The following LDLRAD3 variants were observed in gnomAD, a reference collection of about 807,000 sequenced individuals.
The protein encoded by LDLRAD3 is low density lipoprotein receptor class A domain containing 3.
In LDLRAD3, 20 loss-of-function variants were observed where a neutral mutation model predicts 29.4. The observed-to-expected ratio is 0.68, with a 90% CI of 0.48 to 0.99. LDLRAD3 has a LOEUF of 0.99. Ranked by LOEUF, LDLRAD3 falls within the 50% of genes least tolerant of loss-of-function variation. The pLI is 0.00. For synonymous variants in LDLRAD3, 157 were observed against 192.7 expected, an observed-to-expected ratio of 0.81 and a Z score of 1.53; for missense variants, 420 against 454.3, an observed-to-expected ratio of 0.92 and a Z score of 0.69.
chr11:36,000,340 TACAC>T (rs537756209), intron 1 of LDLRAD3, among the ~76,000 whole-genome samples: 5 of 151,048 alleles, frequency 3.3e-5, no homozygotes, highest in Admixed American at 1.3e-4. Flanking sequence ...TGTACACACA[TACAC>T]ACACAGTTGA....
At chr11:35,985,651 G>A (rs1851605274) in intron 1 of LDLRAD3, among the ~76,000 whole-genome samples, 1 of 152,110 alleles carries the variant, frequency 6.6e-6, no homozygotes, top group Non-Finnish European at 1.5e-5. Context: ...AATCACGGGG[G>A]CAGGTTTTTC....
chr11:36,108,152 T>G (rs1313686955), intron 4 of LDLRAD3, among the ~76,000 whole-genome samples: 1 of 151,568 alleles, frequency 6.6e-6, no homozygotes, highest in Non-Finnish European at 1.5e-5. Context: ...CCGTCTCTAC[T>G]AAAAATACAA....
At chr11:35,987,771 ATAT>A (rs1254795253) in intron 1 of LDLRAD3, among the ~76,000 whole-genome samples, 11 of 152,272 alleles carry the variant, frequency 7.2e-5, no homozygotes, top group African/African-American at 1.9e-4. Context: ...TCTTTTATAT[ATAT>A]ACCTGGTAAT....
At chr11:35,950,082 C>G (rs1851111985) in intron 1 of LDLRAD3, among the ~76,000 whole-genome samples, 1 of 152,226 alleles carries the variant, frequency 6.6e-6, no homozygotes, top group South Asian at 2.1e-4. Context: ...CCATGTAAAA[C>G]TTGTTCTTTG....
chr11:36,152,636 T>C (rs1195141772), intron 4 of LDLRAD3, among the ~76,000 whole-genome samples: 3 of 152,228 alleles, frequency 2.0e-5, no homozygotes, highest in Admixed American at 1.3e-4. Context: ...CTTTGTCTGC[T>C]TCCAACTCCC....
intron 4 of LDLRAD3, among the ~76,000 whole-genome samples, chr11:36,128,852 GAAAA>G: frequency 7.2e-6 from 1 of 139,594 alleles, no homozygotes; most frequent in Non-Finnish European, 1.5e-5. Flanking sequence ...GTGTCTCAAG[GAAAA>G]AAAAAAAAAA....
intron 5 of LDLRAD3, among the ~76,000 whole-genome samples, chr11:36,228,954 C>T (rs1855535794): frequency 6.6e-6 from 1 of 152,216 alleles, no homozygotes; most frequent in African/African-American, 2.4e-5. Flanking sequence ...CGGTCAACAC[C>T]AACCAGCCAG....
At chr11:36,070,620 A>G (rs1484380740) in intron 2 of LDLRAD3, among the ~76,000 whole-genome samples, 2 of 152,206 alleles carry the variant, frequency 1.3e-5, no homozygotes, top group Non-Finnish European at 2.9e-5. Context: ...CTCTGTGGGT[A>G]TAAGAAGGTG....
chr11:35,992,612 A>G (rs949098363), intron 1 of LDLRAD3, among the ~76,000 whole-genome samples: 3 of 152,244 alleles, frequency 2.0e-5, no homozygotes, highest in African/African-American at 7.2e-5. Flanking sequence ...CACATATTGT[A>G]TCATTCAATT....
chr11:36,147,284 A>AT (rs542910531), intron 4 of LDLRAD3, among the ~76,000 whole-genome samples: 1 of 147,772 alleles, frequency 6.8e-6, no homozygotes, highest in African/African-American at 2.5e-5. Flanking sequence ...CACCCAGCTA[A>AT]TTTTTTTGTA....
At chr11:35,999,072 C>T (rs1239655335) in intron 1 of LDLRAD3, among the ~76,000 whole-genome samples, 1 of 152,188 alleles carries the variant, frequency 6.6e-6, no homozygotes, top group African/African-American at 2.4e-5. Context: ...TTTTAAGGAG[C>T]TCACAGCTTT....
chr11:36,193,175 C>T (rs554577058), intron 4 of LDLRAD3, among the ~76,000 whole-genome samples: 16 of 152,274 alleles, frequency 1.1e-4, no homozygotes, highest in African/African-American at 3.4e-4. Context: ...GCTGCATCCT[C>T]GAGAGTGTTG....
chr11:36,067,122 T>C (rs1852807940), intron 2 of LDLRAD3, among the ~76,000 whole-genome samples: 1 of 152,192 alleles, frequency 6.6e-6, no homozygotes, highest in South Asian at 2.1e-4. Flanking sequence ...TAATCTTTCA[T>C]ACCCAACTAA....
chr11:36,222,025 T>TG, intron 4 of LDLRAD3, among the ~76,000 whole-genome samples: 1 of 152,234 alleles, frequency 6.6e-6, no homozygotes, highest in Non-Finnish European at 1.5e-5. Flanking sequence ...GGATTGTTTC[T>TG]GATATATCTT....
At chr11:36,167,801 C>T (rs1854537013) in intron 4 of LDLRAD3, among the ~76,000 whole-genome samples, 1 of 152,196 alleles carries the variant, frequency 6.6e-6, no homozygotes, top group African/African-American at 2.4e-5. Flanking sequence ...GGGAAGCTAG[C>T]ACGGTATCTA....
chr11:36,031,564 G>A (rs1852236091), intron 1 of LDLRAD3, among the ~76,000 whole-genome samples: 1 of 152,140 alleles, frequency 6.6e-6, no homozygotes, highest in Admixed American at 6.5e-5. Context: ...CCTACAGAGT[G>A]GTCAGGTGCC....
At chr11:36,044,327 G>C (rs1852420010) in intron 2 of LDLRAD3, among the ~76,000 whole-genome samples, 1 of 152,142 alleles carries the variant, frequency 6.6e-6, no homozygotes, top group African/African-American at 2.4e-5. Context: ...ACTGTTTCCT[G>C]GTGCAGAGAA....
At chr11:36,205,376 A>C (rs969596374) in intron 4 of LDLRAD3, among the ~76,000 whole-genome samples, 2 of 152,144 alleles carry the variant, frequency 1.3e-5, no homozygotes, top group Non-Finnish European at 2.9e-5. Flanking sequence ...AAGGAGTAGG[A>C]CAGTCACCGG....
intron 4 of LDLRAD3, among the ~76,000 whole-genome samples, chr11:36,145,729 CAT>C (rs1178929986): frequency 1.3e-5 from 2 of 150,952 alleles, no homozygotes; most frequent in Admixed American, 6.6e-5. Context: ...CTCTCTGAAA[CAT>C]GTGCTGTGTC....
Sources: gnomAD v4.1 joint callset for allele counts (sites outside exome capture counted in the v4.1 genomes callset) on GRCh38, gnomAD v4.1.1 for gene constraint, MANE v1.5 for transcripts, NCBI Gene and HGNC (gene_info 2026-07-23, HGNC 2026-07-21) for gene names.